CECR2: variants seen among roughly 807,000 people sequenced by gnomAD.
The protein encoded by CECR2 is chromatin remodeling regulator CECR2.
A neutral mutation model predicts 154.5 loss-of-function variants in CECR2; 30 were observed. The ratio of observed to expected loss-of-function variants is 0.19; its 90% CI spans 0.15 to 0.26. The LOEUF is 0.26. Among genes scored for constraint, CECR2 ranks in the 10% least tolerant of loss-of-function variants. CECR2 has a pLI of 1.00. For synonymous variants in CECR2, 725 were observed against 683.7 expected, an observed-to-expected ratio of 1.06 and a Z score of -0.94; for missense variants, 1,743 against 1,829.3, an observed-to-expected ratio of 0.95 and a Z score of 0.86.
At chr22:17,394,570 T>G (rs1474281690) in intron 1 of CECR2, among the ~76,000 whole-genome samples, 1 of 152,214 alleles carries the variant, frequency 6.6e-6, no homozygotes, top group African/African-American at 2.4e-5. Flanking sequence ...TCTTGATTAA[T>G]GCTGTCTTGT....
intron 1 of CECR2, among the ~76,000 whole-genome samples, chr22:17,387,221 T>C (rs2063273830): frequency 6.6e-6 from 1 of 152,220 alleles, no homozygotes; most frequent in African/African-American, 2.4e-5. Flanking sequence ...ATTTCTCCAC[T>C]GGTTCTACAG....
chr22:17,551,987 C>G, intron 17 of CECR2, 44 bp from the exon 18 acceptor site: 1 of 1,572,900 alleles, frequency 6.4e-7, no homozygotes, highest in Non-Finnish European at 8.8e-7. Flanking sequence ...CTGTCGTTAA[C>G]ACGTCTTCAT....
At chr22:17,542,109 T>C in intron 15 of CECR2, 48 bp from the exon 16 acceptor site, 2 of 1,584,070 alleles carry the variant, frequency 1.3e-6, no homozygotes, top group Admixed American at 3.5e-5. Context: ...GCACAAAGTG[T>C]GCCTTATTCT....
intron 9 of CECR2, among the ~76,000 whole-genome samples, chr22:17,534,355 T>G (rs2056405045): frequency 6.6e-6 from 1 of 151,882 alleles, no homozygotes; most frequent in Non-Finnish European, 1.5e-5. Flanking sequence ...AGGGAAAAAA[T>G]TTACATCCCT....
chr22:17,397,564 C>T (rs1485192428), intron 1 of CECR2, among the ~76,000 whole-genome samples: 1 of 152,132 alleles, frequency 6.6e-6, no homozygotes. Context: ...GTGGCGCTAT[C>T]TCTGCTCACT....
rs982363055 is a variant in CECR2, at chr22:17,556,375, C to T, written c.*3535C>T. The T allele has an allele frequency of 6.6e-6, 1 of 152,166 alleles. No homozygotes were observed. The highest frequency in any genetic ancestry group is 1.5e-5 in the Non-Finnish European group (1 of 68,044). 9.4% of individuals were successfully genotyped at this position (152,166 alleles called of 1,614,324 possible). A position where few individuals can be genotyped will look rare whatever the true frequency, so the allele number is the denominator to read the frequency against. Reference sequence around the variant, plus strand: ...AATGTCGATTTACTCTGTCTTGTTCCCTGAAAGTGTTTCTTGTGACTAAGC... The same window carrying T: ...AATGTCGATTTACTCTGTCTTGTTCTCTGAAAGTGTTTCTTGTGACTAAGC... On this transcript the variant is annotated 3_prime_UTR_variant, in exon 19 of 19. Coordinates refer to ENST00000262608, the MANE Select transcript of CECR2 (RefSeq NM_001290047.2).
intron 1 of CECR2, among the ~76,000 whole-genome samples, chr22:17,402,876 G>C (rs1242921685): frequency 1.3e-5 from 2 of 151,142 alleles, no homozygotes; most frequent in East Asian, 3.9e-4. Context: ...TCCTGCCTCA[G>C]CCTCCTGAGT....
chr22:17,524,163 G>A lies in CECR2; in HGVS notation c.1000G>A (p.Glu334Lys). Residue 334 changes from glutamate to lysine, a missense_variant, in exon 9 of 19, where the codon GAG becomes AAG. Glu to Lys is a moderately conservative substitution (Grantham distance 56). This residue lies in a region of CECR2 where 292 missense variants were observed against 301.2 expected (regional missense o/e 0.97). Coordinates refer to ENST00000262608, the MANE Select transcript of CECR2 (RefSeq NM_001290047.2). ...AATAGAAAAACAAAAGCGCAAAGAG[G>A]AGGAAGAAGAGCGTCAGATTCTTCT... ...TRIEKQKRKE[E>K]EEERQILLAV... 6.2e-7 allele frequency: 1 copy of A among 1,604,810 alleles called. No homozygotes were observed. The highest frequency in any genetic ancestry group is 8.5e-7 in the Non-Finnish European group (1 of 1,175,736).
At chr22:17,421,063 T>G (rs1287181674) in intron 1 of CECR2, among the ~76,000 whole-genome samples, 1 of 152,234 alleles carries the variant, frequency 6.6e-6, no homozygotes, top group Non-Finnish European at 1.5e-5. Context: ...TTGCCATTCC[T>G]ATTTTGAACA....
intron 1 of CECR2, among the ~76,000 whole-genome samples, chr22:17,412,205 T>C (rs1000962760): frequency 6.6e-6 from 1 of 152,224 alleles, no homozygotes; most frequent in Non-Finnish European, 1.5e-5. Flanking sequence ...TAGCTGTGGC[T>C]GCAGTTCTGT....
At chr22:17,506,342 G>T (rs944796137) in intron 7 of CECR2, among the ~76,000 whole-genome samples, 5 of 151,754 alleles carry the variant, frequency 3.3e-5, no homozygotes, top group Admixed American at 3.3e-4. Flanking sequence ...GCCTGGGCTG[G>T]TCCTGAACTC....
chr22:17,414,121 T>A (rs188508731), intron 1 of CECR2, among the ~76,000 whole-genome samples: 2 of 151,832 alleles, frequency 1.3e-5, no homozygotes, highest in South Asian at 4.2e-4. Flanking sequence ...TACAGGTGCC[T>A]GCCACCACGC....
chr22:17,509,661 A>G (rs2055907173), intron 7 of CECR2, among the ~76,000 whole-genome samples: 1 of 152,100 alleles, frequency 6.6e-6, no homozygotes, highest in South Asian at 2.1e-4. Context: ...AAATGCTATC[A>G]CTTGACAGAA....
At position 17,524,297 on chromosome 22, in the gene CECR2, G is replaced by T. The variant is rs375042326; in HGVS notation, c.1108+26G>T. On this transcript the variant is annotated intron_variant, in intron 9 of 18. Transcript: ENST00000262608. ...GTATGTGCAGTGTCCGCGTGGTCTG[G>T]AGAGGTGCATGTCTGTCGACCAGCC... 2.5e-6 allele frequency: 4 copies of T among 1,601,732 alleles called. No homozygotes were observed. The Admixed American group carries it at 5.2e-5, about 21-fold the overall frequency.
chr22:17,469,196 A>T (rs1004001244), intron 1 of CECR2, among the ~76,000 whole-genome samples: 5 of 152,082 alleles, frequency 3.3e-5, no homozygotes, highest in African/African-American at 1.2e-4. Flanking sequence ...AAGCTACACA[A>T]GCAGAAAGGC....
intron 1 of CECR2, among the ~76,000 whole-genome samples, chr22:17,445,628 G>A (rs1049771723): frequency 6.6e-6 from 1 of 150,976 alleles, no homozygotes; most frequent in South Asian, 2.1e-4. Flanking sequence ...CCAGGCTGGA[G>A]TGCAGTGGTG....
intron 1 of CECR2, among the ~76,000 whole-genome samples, chr22:17,452,261 C>G (rs1175541726): frequency 1.3e-5 from 2 of 152,092 alleles, no homozygotes; most frequent in Non-Finnish European, 2.9e-5. Context: ...TTCGTAGAGA[C>G]AGGGTTTCAC....
At chr22:17,391,447 G>C (rs1307558680) in intron 1 of CECR2, among the ~76,000 whole-genome samples, 3 of 152,214 alleles carry the variant, frequency 2.0e-5, no homozygotes, top group Admixed American at 1.3e-4. Context: ...TCTGGCTCCG[G>C]TCCAGGCTTT....
chr22:17,421,396 A>G (rs2054245600), intron 1 of CECR2, among the ~76,000 whole-genome samples: 1 of 151,984 alleles, frequency 6.6e-6, no homozygotes, highest in Non-Finnish European at 1.5e-5. Flanking sequence ...CGGGCGGATC[A>G]CGAGGTCAGG....
Sources: gnomAD v4.1 joint callset for allele counts (sites outside exome capture counted in the v4.1 genomes callset) on GRCh38, gnomAD v4.1.1 for gene constraint, gnomAD v4.1.1 regional missense constraint, MANE v1.5 for transcripts, NCBI Gene and HGNC (gene_info 2026-07-23, HGNC 2026-07-21) for gene names.